The following STON2 variants were observed in gnomAD, a reference collection of about 807,000 sequenced individuals.
STON2 encodes the protein stonin 2.
A neutral mutation model predicts 65.7 loss-of-function variants in STON2; 29 were observed. The observed-to-expected ratio is 0.44, with a 90% CI of 0.33 to 0.60. STON2 has a LOEUF of 0.60. Among genes scored for constraint, STON2 ranks in the 20% least tolerant of loss-of-function variants. The pLI is 0.03. For missense variants in STON2, 1,054 were observed against 1,118.1 expected, an observed-to-expected ratio of 0.94 and a Z score of 0.82; for synonymous variants, 404 against 414.2, an observed-to-expected ratio of 0.98 and a Z score of 0.30.
At chr14:81,299,797 T>C (rs1895899352) in intron 5 of STON2, among the ~76,000 whole-genome samples, 1 of 152,246 alleles carries the variant, frequency 6.6e-6, no homozygotes, top group African/African-American at 2.4e-5. Flanking sequence ...CTCTTCACTG[T>C]TGAGAGAAGT....
chr14:81,331,549 C>T (rs1897216237), intron 4 of STON2, among the ~76,000 whole-genome samples: 1 of 152,114 alleles, frequency 6.6e-6, no homozygotes, highest in Admixed American at 6.6e-5. Flanking sequence ...GTTGTTAGAC[C>T]CTAGACATTT....
intron 5 of STON2, among the ~76,000 whole-genome samples, chr14:81,310,958 T>C (rs889039991): frequency 2.0e-5 from 3 of 152,156 alleles, no homozygotes; most frequent in Non-Finnish European, 2.9e-5. Context: ...ACTATGTCTC[T>C]GTCTTCTATG....
At chr14:81,337,005 C>G (rs1416777482) in intron 4 of STON2, among the ~76,000 whole-genome samples, 1 of 152,064 alleles carries the variant, frequency 6.6e-6, no homozygotes, top group Non-Finnish European at 1.5e-5. Context: ...TAGTCTTAGT[C>G]CCAAGGTTCT....
chr14:81,310,955 C>G (rs1595335604), intron 5 of STON2, among the ~76,000 whole-genome samples: 1 of 152,126 alleles, frequency 6.6e-6, no homozygotes, highest in Non-Finnish European at 1.5e-5. Flanking sequence ...AGGACTATGT[C>G]TCTGTCTTCT....
chr14:81,405,460 G>GTTTT lies in STON2; in HGVS notation c.-198-6884_-198-6881dup, dbSNP rs376505307. Among the ~76,000 whole-genome samples, 350 of 63,296 alleles carry GTTTT rather than the reference G, an allele frequency of 5.5e-3. 11 individuals are homozygous for GTTTT. The highest frequency in any genetic ancestry group is 0.03 in the East Asian group (71 of 2,356). The allele number at this position is 63,296 out of a possible 152,430, so 41.5% of individuals were successfully genotyped here. A position where few individuals can be genotyped will look rare whatever the true frequency, so the allele number is the denominator to read the frequency against. On this transcript the variant is annotated intron_variant, in intron 2 of 8. Coordinates refer to the STON2 transcript ENST00000553821. ...AGACCATTTGGGATTAGTTACTATT[G>GTTTT]TTTTTTTTTTTTTTTTGCTTGACTA...
intron 4 of STON2, among the ~76,000 whole-genome samples, chr14:81,338,679 G>A (rs1295716266): frequency 6.6e-6 from 1 of 152,088 alleles, no homozygotes; most frequent in Admixed American, 6.5e-5. Context: ...AGCCTGCAGG[G>A]GTCTGACACT....
chr14:81,296,548 A>C lies in STON2; in HGVS notation c.743-17809T>G, dbSNP rs79365866. On this transcript the variant is annotated intron_variant, in intron 5 of 7. Transcript: ENST00000614646. The stretch of plus-strand genomic sequence containing the variant: ...GCTCGAACCCCCTTTGCAGCTAGAC[A>C]CACAGCAGACTGGCATATGTCTCTT... 5.9e-5 allele frequency among the ~76,000 whole-genome samples: 9 copies of C among 152,276 alleles called. No homozygotes were observed. The East Asian group carries it at 1.7e-3, about 29-fold the overall frequency.
At chr14:81,418,634 TA>T (rs2139887295) in intron 2 of STON2, among the ~76,000 whole-genome samples, 1 of 152,338 alleles carries the variant, frequency 6.6e-6, no homozygotes, top group African/African-American at 2.4e-5. Flanking sequence ...CTTTTCTGTT[TA>T]CCTGGCACAG....
intron 2 of STON2, among the ~76,000 whole-genome samples, chr14:81,417,490 G>C (rs935983996): frequency 6.6e-6 from 1 of 152,206 alleles, no homozygotes; most frequent in Non-Finnish European, 1.5e-5. Context: ...TAACAATTAA[G>C]CTTGGGTGAT....
chr14:81,375,042 G>A (rs1173286714), intron 3 of STON2, among the ~76,000 whole-genome samples: 1 of 152,102 alleles, frequency 6.6e-6, no homozygotes, highest in African/African-American at 2.4e-5. Context: ...TCTTTCCAGA[G>A]CAGGAGAAGC....
rs573394869 is a variant in STON2, at chr14:81,378,157, T to C, written c.374-6972A>G. Among the ~76,000 whole-genome samples the C allele has an allele frequency of 1.3e-4, 20 of 150,566 alleles. 2 individuals carry two copies. Among genetic ancestry groups the C allele is most frequent in the Admixed American group, 1.3e-3 (19 of 15,092 alleles). Reference sequence around the variant, plus strand: ...CACCACACCCAGCCTAGCCCATTTTTTTAATGGGAACTTTTTACTGTTGGG... The same window carrying C: ...CACCACACCCAGCCTAGCCCATTTTCTTAATGGGAACTTTTTACTGTTGGG... On this transcript the variant is annotated intron_variant, in intron 3 of 7. Coordinates refer to ENST00000614646, the MANE Select transcript of STON2 (RefSeq NM_001394390.1).
chr14:81,276,834 TG>T, intron 6 of STON2, 66 bp downstream of exon 6: 3 of 1,537,246 alleles, frequency 2.0e-6, no homozygotes, highest in Non-Finnish European at 2.6e-6. Context: ...ATACAGGATG[TG>T]GAACTTTGAT....
intron 5 of STON2, among the ~76,000 whole-genome samples, chr14:81,283,676 G>A (rs1192799779): frequency 6.6e-6 from 1 of 152,032 alleles, no homozygotes; most frequent in Non-Finnish European, 1.5e-5. Context: ...GACTACAGGT[G>A]CCTGCCACCA....
chr14:81,314,777 T>G (rs1329278441), intron 5 of STON2, among the ~76,000 whole-genome samples: 1 of 152,218 alleles, frequency 6.6e-6, no homozygotes, highest in Admixed American at 6.5e-5. Flanking sequence ...TTAAGCAACT[T>G]TCCTCTGTAG....
At position 81,261,689 on chromosome 14, in the gene STON2, TCC is replaced by T. The variant is rs1894151130; in HGVS notation, c.*6723_*6724del. 8.5e-7 allele frequency: 1 copy of T among 1,171,614 alleles called. No homozygotes were observed. Among genetic ancestry groups the T allele is most frequent in the East Asian group, 2.7e-5 (1 of 36,616 alleles). The allele number at this position is 1,171,614 out of a possible 1,614,324, so 72.6% of individuals were successfully genotyped here. A position where few individuals can be genotyped will look rare whatever the true frequency, so the allele number is the denominator to read the frequency against. On this transcript the variant is annotated 3_prime_UTR_variant, in exon 8 of 8. Transcript: ENST00000614646. ...ATATACCTCATTGATTATCCTATCA[TCC>T]CCAGTACTTGGAGGGTTAGACCTAC...
chr14:81,380,930 T>C (rs1899483233), intron 3 of STON2, among the ~76,000 whole-genome samples: 1 of 152,040 alleles, frequency 6.6e-6, no homozygotes, highest in African/African-American at 2.4e-5. Context: ...GACAGGCAAT[T>C]TACTCAGGTA....
At chr14:81,403,368 T>C (rs1456679025), upstream of STON2, among the ~76,000 whole-genome samples, 6 of 152,196 alleles carry the variant, frequency 3.9e-5, no homozygotes, top group African/African-American at 1.4e-4. Flanking sequence ...ATAAAACCTT[T>C]ATAATATGCA....
At chr14:81,288,643 G>C (rs1895433671) in intron 5 of STON2, among the ~76,000 whole-genome samples, 1 of 152,176 alleles carries the variant, frequency 6.6e-6, no homozygotes, top group Non-Finnish European at 1.5e-5. Context: ...ACTAAACCAA[G>C]GAGTTTGCAG....
rs1894276240 is a variant in STON2, at chr14:81,264,348, A to G, written c.*4066T>C. 1 of 985,480 alleles carries G rather than the reference A, an allele frequency of 1.0e-6. No individual in the cohort carries two copies. Among genetic ancestry groups the G allele is most frequent in the Non-Finnish European group, 1.2e-6 (1 of 829,938 alleles). 61.0% of individuals were successfully genotyped at this position (985,480 alleles called of 1,614,324 possible). A position where few individuals can be genotyped will look rare whatever the true frequency, so the allele number is the denominator to read the frequency against. On this transcript the variant is annotated 3_prime_UTR_variant, in exon 8 of 8. Coordinates refer to ENST00000614646, the MANE Select transcript of STON2 (RefSeq NM_001394390.1). ...TAAAAGCATGCTTGCTGGCTTTATT[A>G]TGAGTATTTGATGATAAGTAAGGGT...
Sources: gnomAD v4.1 joint callset for allele counts (sites outside exome capture counted in the v4.1 genomes callset) on GRCh38, gnomAD v4.1.1 for gene constraint, MANE v1.5 for transcripts, NCBI Gene and HGNC (gene_info 2026-07-23, HGNC 2026-07-21) for gene names.